Variants in PRRC2C observed in about 807,000 individuals in gnomAD.
PRRC2C encodes the protein proline rich coiled-coil 2C, also known as protein PRRC2C.
PRRC2C carries 72 observed loss-of-function variants against 317.2 expected under a neutral mutation model. The ratio of observed to expected loss-of-function variants is 0.23; its 90% CI spans 0.19 to 0.28. The LOEUF is 0.28. Among genes scored for constraint, PRRC2C ranks in the 10% least tolerant of loss-of-function variants. The pLI is 1.00. For synonymous variants in PRRC2C, 1,296 were observed against 1,205.9 expected, an observed-to-expected ratio of 1.07 and a Z score of -1.55; for missense variants, 3,074 against 3,459.7, an observed-to-expected ratio of 0.89 and a Z score of 2.80.
chr1:171,524,389 A>C (rs7536075), intron 9 of PRRC2C, among the ~76,000 whole-genome samples: 135 of 151,656 alleles, frequency 8.9e-4, no homozygotes, highest in African/African-American at 3.1e-3. Flanking sequence ...CATTGTGACA[A>C]ACATCGTTTT....
Position 171,512,124 on chromosome 1 carries a change from G to A in PRRC2C, c.36G>A (p.Lys12=). Residue 12 remains lysine (K), a synonymous_variant, in exon 2 of 35, where the codon AAG becomes AAA. Coordinates refer to ENST00000647382, the MANE Select transcript of PRRC2C (RefSeq NM_001387844.1). ...SEKSGQSTKA[K]DGKKYATLSL... ...AGTCAGGCCAGAGCACAAAAGCAAA[G>A]GATGGGAAAAAGTATGCAACACTCA... 5.7e-6 allele frequency: 9 copies of A among 1,578,790 alleles called. No homozygotes were observed. Among genetic ancestry groups the A allele is most frequent in the Non-Finnish European group, 7.7e-6 (9 of 1,161,830 alleles).
intron 18 of PRRC2C, among the ~76,000 whole-genome samples, chr1:171,550,834 A>G (rs1680090413): frequency 6.6e-6 from 1 of 152,138 alleles, no homozygotes; most frequent in Non-Finnish European, 1.5e-5. Context: ...TCCATGGTGT[A>G]TATGTGCCAC....
At position 171,557,476 on chromosome 1, in the gene PRRC2C, AGCCTCAACTTTAGCTCCAGTTCTG is replaced by A. The variant is rs1489068835; in HGVS notation, c.5373_5396del (p.Leu1792_Thr1799del). The A allele has an allele frequency of 7.7e-6, 12 of 1,551,164 alleles. No homozygotes were observed. Among genetic ancestry groups the A allele is most frequent in the Non-Finnish European group, 9.6e-6 (11 of 1,146,844 alleles). On this transcript the variant is annotated inframe_deletion, in exon 19 of 35. Transcript: ENST00000647382. ...CAGCCTCAACCTCAGCTCCGGTTCC[AGCCTCAACTTTAGCTCCAGTTCTG>A]GCCTCAACCTCAGCTCCAGTTCCAG...
intron 20 of PRRC2C, among the ~76,000 whole-genome samples, chr1:171,562,563 G>A (rs1234472312): frequency 6.6e-6 from 1 of 152,236 alleles, no homozygotes; most frequent in African/African-American, 2.4e-5. Context: ...GTATTTTGAA[G>A]ATTGAGCTGA....
intron 5 of PRRC2C, 56 bp from the exon 6 acceptor site, chr1:171,517,535 C>T (rs561976122): frequency 3.9e-6 from 6 of 1,533,632 alleles, no homozygotes; most frequent in Non-Finnish European, 5.4e-6. Context: ...TTTGGTTTCA[C>T]TTTGTTCCAT....
intron 1 of PRRC2C, among the ~76,000 whole-genome samples, chr1:171,493,388 T>C (rs1667535677): frequency 6.6e-6 from 1 of 152,164 alleles, no homozygotes; most frequent in Admixed American, 6.5e-5. Flanking sequence ...TAGTCCTAGC[T>C]CCTCAGAAGG....
chr1:171,510,157 A>G (rs2102230693), intron 1 of PRRC2C: 1 of 152,356 alleles, frequency 6.6e-6, no homozygotes, highest in Middle Eastern at 3.4e-3. Context: ...GGCCAGAAAC[A>G]TGGTTCTGCG....
intron 9 of PRRC2C, 131 bp downstream of exon 9, chr1:171,523,653 C>A: frequency 1.2e-6 from 1 of 818,708 alleles, no homozygotes; most frequent in Non-Finnish European, 1.9e-6. Flanking sequence ...AGAAGTTTTA[C>A]TGAATAGAGG....
chr1:171,522,162 G>C lies in PRRC2C; in HGVS notation c.751-15G>C. 2 of 1,471,886 alleles carry C rather than the reference G, an allele frequency of 1.4e-6. No homozygotes were observed. The highest frequency in any genetic ancestry group is 1.8e-6 in the Non-Finnish European group (2 of 1,085,168). The allele number at this position is 1,471,886 out of a possible 1,614,324, so 91.2% of individuals were successfully genotyped here. On this transcript the variant is annotated splice_polypyrimidine_tract_variant and intron_variant, in intron 6 of 34. Transcript: ENST00000647382. ...GTTGCTAAATTTATCACAATTTTTT[G>C]TTTCCTTCATTCAGATGTTCCAACA... is the stretch of plus-strand genomic sequence containing the variant.
intron 30 of PRRC2C, among the ~76,000 whole-genome samples, chr1:171,585,849 C>T (rs1208032018): frequency 4.6e-5 from 7 of 151,900 alleles, no homozygotes; most frequent in African/African-American, 1.5e-4. Flanking sequence ...AGAAATGTCT[C>T]GGATTTCAGA....
intron 30 of PRRC2C, among the ~76,000 whole-genome samples, chr1:171,586,487 G>A (rs1650019077): frequency 6.6e-6 from 1 of 151,764 alleles, no homozygotes; most frequent in Admixed American, 6.6e-5. Context: ...TACTCAACTT[G>A]TCATCACTAA....
chr1:171,591,335 G>T, intron 34 of PRRC2C: 1 of 739,194 alleles, frequency 1.4e-6, no homozygotes, highest in Non-Finnish European at 1.9e-6. Flanking sequence ...TAATATGAGA[G>T]GGCAGACCTT....
Position 171,566,248 on chromosome 1 carries a change from C to G in PRRC2C, c.6133C>G (p.Gln2045Glu), listed in dbSNP as rs767387364. The G allele has an allele frequency of 1.2e-6, 2 of 1,610,214 alleles. No individual in the cohort carries two copies. The highest frequency in any genetic ancestry group is 4.5e-5 in the East Asian group (2 of 44,814). ...APSSEGAKNG[Q>E]ESGLEIGTDT... ...CTTTTACTAGGGAGCGAAGAATGGT[C>G]AAGAAAGTGGACTCGAAATTGGAAC... is the stretch of plus-strand genomic sequence containing the variant. The change falls in exon 21 of 35, where the codon CAA becomes GAA. Residue 2045 changes from glutamine (Q) to glutamate (E), a missense_variant. Around this residue, in one of 11 missense-constraint regions of PRRC2C, gnomAD observed 640 missense variants for 676.1 expected, o/e 0.95. Transcript: ENST00000647382.
At chr1:171,548,280 A>C (rs1187053126) in intron 17 of PRRC2C, among the ~76,000 whole-genome samples, 2 of 152,134 alleles carry the variant, frequency 1.3e-5, no homozygotes, top group Non-Finnish European at 2.9e-5. Context: ...GTTTCTAAGG[A>C]GTGAAAGCCA....
chr1:171,574,156 TAAAA>T (rs1348390644), intron 24 of PRRC2C, among the ~76,000 whole-genome samples: 3 of 152,060 alleles, frequency 2.0e-5, no homozygotes, highest in Non-Finnish European at 4.4e-5. Context: ...ATTTTAATAT[TAAAA>T]AAACTTATAA....
At position 171,537,891 on chromosome 1, in the gene PRRC2C, TTTTG is replaced by T. The variant is rs374021667; in HGVS notation, c.2504+422_2504+425del. 4.7e-4 allele frequency among the ~76,000 whole-genome samples: 71 copies of T among 150,254 alleles called. No homozygotes were observed. In the East Asian group the frequency reaches 0.012, roughly 26 times the overall value. Reference sequence around the variant, plus strand: ...CCGCTAATCTTTGTGGGGTTTTTTGTTTTGTTTTTGTTTTTGTTTTTGTTTTTGA... The same window carrying T: ...CCGCTAATCTTTGTGGGGTTTTTTGTTTTTTGTTTTTGTTTTTGTTTTTGA... On this transcript the variant is annotated intron_variant, in intron 15 of 34. Coordinates refer to ENST00000647382, the MANE Select transcript of PRRC2C (RefSeq NM_001387844.1).
intron 5 of PRRC2C, 110 bp downstream of exon 5, chr1:171,515,969 G>A (rs1672274188): frequency 8.3e-7 from 1 of 1,201,148 alleles, no homozygotes; most frequent in East Asian, 2.5e-5. Context: ...CGAAAAGGCA[G>A]ACTTTGTACT....
chr1:171,584,338 T>C (rs533692898), intron 29 of PRRC2C, 81 bp from the exon 30 acceptor site: 6 of 1,386,528 alleles, frequency 4.3e-6, no homozygotes. Context: ...TGCTAGACAT[T>C]GCTTTGAAGT....
In PRRC2C at chr1:171,589,551, T is replaced by C. The variant is rs1261039687; in HGVS notation, c.8382T>C (p.Ser2794=). Residue 2794 remains serine (S), a synonymous_variant, in exon 34 of 35, where the codon TCT becomes TCC. Coordinates refer to ENST00000647382, the MANE Select transcript of PRRC2C (RefSeq NM_001387844.1). The stretch of plus-strand genomic sequence containing the variant: ...CCAGGGGTCCTTGTGGATCACTATC[T>C]GGAGTCAGAGGTAATCAGGCCCAGG... ...HVARGPCGSL[S]GVRGNQAQAA... 1.6e-6 allele frequency: 2 copies of C among 1,289,784 alleles called. No homozygotes were observed. The highest frequency in any genetic ancestry group is 2.0e-6 in the Non-Finnish European group (2 of 988,862). The allele number at this position is 1,289,784 out of a possible 1,614,324, so 79.9% of individuals were successfully genotyped here.
Sources: gnomAD v4.1 joint callset for allele counts (sites outside exome capture counted in the v4.1 genomes callset) on GRCh38, gnomAD v4.1.1 for gene constraint, gnomAD v4.1.1 regional missense constraint, MANE v1.5 for transcripts, NCBI Gene and HGNC (gene_info 2026-07-23, HGNC 2026-07-21) for gene names.